MB21D2: variants seen among roughly 807,000 people sequenced by gnomAD.
The protein encoded by MB21D2 is nucleotidyltransferase MB21D2.
Under a neutral mutation model 33.3 loss-of-function variants are expected in MB21D2, and 9 were observed. The ratio of observed to expected loss-of-function variants is 0.27; its 90% CI spans 0.16 to 0.47. MB21D2 has a LOEUF of 0.47. MB21D2 is among the 20% of genes least tolerant of loss of function. The pLI is 0.99. For synonymous variants in MB21D2, 241 were observed against 236.3 expected (o/e 1.02, Z -0.18); for missense variants, 540 against 624.6 (o/e 0.86, Z 1.44).
At chr3:192,809,228 TG>T (rs2108611383) in intron 1 of MB21D2, among the ~76,000 whole-genome samples, 1 of 152,274 alleles carries the variant, frequency 6.6e-6, no homozygotes, top group African/African-American at 2.4e-5. Flanking sequence ...CCCGAGTAGC[TG>T]GAACTACAGG....
intron 1 of MB21D2, among the ~76,000 whole-genome samples, chr3:192,871,730 C>T (rs1379251280): frequency 6.6e-6 from 1 of 152,076 alleles, no homozygotes; most frequent in Non-Finnish European, 1.5e-5. Flanking sequence ...TGGGGAGAAG[C>T]CAAACGGCCC....
intron 1 of MB21D2, among the ~76,000 whole-genome samples, chr3:192,827,576 C>T (rs1362141040): frequency 1.3e-5 from 2 of 152,088 alleles, no homozygotes; most frequent in Non-Finnish European, 2.9e-5. Context: ...CACTATTTCC[C>T]AGACAGAGAA....
intron 1 of MB21D2, among the ~76,000 whole-genome samples, chr3:192,890,686 C>A (rs2108646859): frequency 6.6e-6 from 1 of 151,964 alleles, no homozygotes; most frequent in Middle Eastern, 3.4e-3. Flanking sequence ...AGCCATGAAG[C>A]CAAGTGATTG....
At chr3:192,875,303 G>T (rs1248871019) in intron 1 of MB21D2, among the ~76,000 whole-genome samples, 1 of 152,146 alleles carries the variant, frequency 6.6e-6, no homozygotes, top group Non-Finnish European at 1.5e-5. Context: ...AGATTACCTG[G>T]CATCTAGAAG....
rs141881538 is a variant in MB21D2, at chr3:192,886,639, G to T, written c.211+30991C>A. Among the ~76,000 whole-genome samples the T allele has an allele frequency of 3.0e-3, 456 of 151,656 alleles. 6 individuals are homozygous for T. The highest frequency in any genetic ancestry group is 0.011 in the African/African-American group (445 of 41,100). ...AGCACATTTCATACTTCTACCATAT[G>T]TGTGATTCATAAGCAATTTATACTA... On this transcript the variant is annotated intron_variant, in intron 1 of 1. Transcript: ENST00000392452.
intron 1 of MB21D2, among the ~76,000 whole-genome samples, chr3:192,844,362 C>T (rs1338419845): frequency 6.6e-6 from 1 of 152,170 alleles, no homozygotes; most frequent in East Asian, 1.9e-4. Context: ...ATCTTCATCA[C>T]CCTGTCATGA....
chr3:192,813,655 G>C (rs4687364), intron 1 of MB21D2, among the ~76,000 whole-genome samples: 79,085 of 151,858 alleles, frequency 0.52, 20,852 homozygotes, highest in South Asian at 0.58. Flanking sequence ...GAGGCTCCTA[G>C]CCCTAAGTAA....
chr3:192,857,382 G>A (rs550910273), intron 1 of MB21D2, among the ~76,000 whole-genome samples: 10 of 152,282 alleles, frequency 6.6e-5, no homozygotes, highest in African/African-American at 1.9e-4. Flanking sequence ...AACTGCAGTC[G>A]TGTCAAGGGA....
intron 1 of MB21D2, among the ~76,000 whole-genome samples, chr3:192,865,499 G>C (rs754359690): frequency 3.9e-5 from 6 of 152,224 alleles, no homozygotes; most frequent in Non-Finnish European, 7.3e-5. Context: ...GGCAAGAAGA[G>C]CAAGTACTGA....
intron 1 of MB21D2, among the ~76,000 whole-genome samples, chr3:192,883,797 G>A (rs2108643834): frequency 6.6e-6 from 1 of 152,210 alleles, no homozygotes. Context: ...ATAGTTCCCT[G>A]ATCTGAGGCT....
intron 1 of MB21D2, among the ~76,000 whole-genome samples, chr3:192,843,731 T>C (rs928832160): frequency 1.3e-5 from 2 of 152,190 alleles, no homozygotes; most frequent in African/African-American, 4.8e-5. Flanking sequence ...CCATGTAACC[T>C]GCAGGTTATT....
At chr3:192,831,169 G>A (rs1712306318) in intron 1 of MB21D2, among the ~76,000 whole-genome samples, 1 of 152,172 alleles carries the variant, frequency 6.6e-6, no homozygotes, top group South Asian at 2.1e-4. Flanking sequence ...TCACATGCTT[G>A]GGTGGAAGCC....
intron 1 of MB21D2, among the ~76,000 whole-genome samples, chr3:192,846,373 T>C (rs1226238422): frequency 2.0e-4 from 31 of 152,210 alleles, no homozygotes; most frequent in Non-Finnish European, 1.8e-4. Flanking sequence ...TATATATTAT[T>C]TCAATGAATC....
At position 192,829,790 on chromosome 3, in the gene MB21D2, G is replaced by A. The variant is rs554631619; in HGVS notation, c.212-30140C>T. ...TTCCCAAGCTGGAGTGCAGTGGCACGATCACAGCTCACTGCAGCTTCAACC... is the reference window on the plus strand; with the variant it reads ...TTCCCAAGCTGGAGTGCAGTGGCACAATCACAGCTCACTGCAGCTTCAACC... On this transcript the variant is annotated intron_variant, in intron 1 of 1. Coordinates refer to ENST00000392452, the MANE Select transcript of MB21D2 (RefSeq NM_178496.4). Among the ~76,000 whole-genome samples the A allele has an allele frequency of 7.9e-5, 12 of 152,280 alleles. No individual in the cohort carries two copies. In the East Asian group the frequency reaches 1.5e-3, roughly 20 times the overall value.
At chr3:192,818,577 G>A (rs1269449540) in intron 1 of MB21D2, among the ~76,000 whole-genome samples, 1 of 152,066 alleles carries the variant, frequency 6.6e-6, no homozygotes, top group Admixed American at 6.5e-5. Flanking sequence ...TTGTATCCTT[G>A]TCTCCAAAAT....
chr3:192,874,615 G>A (rs1036084234), intron 1 of MB21D2, among the ~76,000 whole-genome samples: 5 of 152,176 alleles, frequency 3.3e-5, no homozygotes, highest in African/African-American at 7.2e-5. Flanking sequence ...GACTGTCTGT[G>A]CTGGATATCC....
rs754434451 is a variant in MB21D2 at position 192,799,316 on chromosome 3, G to C, written c.546C>G (p.Thr182=). 6.2e-6 allele frequency: 10 copies of C among 1,614,116 alleles called. No individual in the cohort carries two copies. Among genetic ancestry groups the C allele is most frequent in the Admixed American group, 1.7e-5 (1 of 60,014 alleles). ...AGTCATAGAACCAGTCAGCCACTTT[G>C]GTAGGTGAGAAGAAGTAGTTGGTGG... ...NGATNYFFSP[T]KVADWFYDSI... Residue 182 remains threonine, a synonymous_variant, in exon 2 of 2, where the codon ACC becomes ACG. Coordinates refer to ENST00000392452, the MANE Select transcript of MB21D2 (RefSeq NM_178496.4). This position sits in a 1 kb window ranked among gnomAD's most constrained non-coding sequence, Gnocchi z 4.1.
chr3:192,881,482 AT>A (rs1207862894), intron 1 of MB21D2, among the ~76,000 whole-genome samples: 1 of 152,098 alleles, frequency 6.6e-6, no homozygotes, highest in African/African-American at 2.4e-5. Context: ...GAGAAGCTAA[AT>A]TTAACTGACA....
intron 1 of MB21D2, among the ~76,000 whole-genome samples, chr3:192,840,910 G>C (rs1712556561): frequency 6.6e-6 from 1 of 152,164 alleles, no homozygotes; most frequent in Non-Finnish European, 1.5e-5. Context: ...AAAGCTTATA[G>C]ACAAGAGGCA....
Sources: allele counts gnomAD v4.1 joint callset (sites outside exome capture counted in the v4.1 genomes callset), GRCh38; gene constraint gnomAD v4.1.1; non-coding constraint Gnocchi (gnomAD v3.1); transcripts MANE v1.5; gene names NCBI Gene and HGNC (gene_info 2026-07-23, HGNC 2026-07-21).